The following CDH12 variants were observed in gnomAD, a reference collection of about 807,000 sequenced individuals.
The protein encoded by CDH12 is cadherin-12.
In CDH12, 41 loss-of-function variants were observed where a neutral mutation model predicts 74.1. That is an observed-to-expected ratio of 0.55 (90% confidence interval 0.43 to 0.72). CDH12 has a LOEUF of 0.72. Among genes scored for constraint, CDH12 ranks in the 30% least tolerant of loss-of-function variants. The probability of loss-of-function intolerance (pLI) is 0.00; values close to 1 mark genes in which losing one functional copy is unlikely to be tolerated. For synonymous variants in CDH12, 399 were observed against 355.0 expected (o/e 1.12, Z -1.39); for missense variants, 945 against 977.2 (o/e 0.97, Z 0.44).
At chr5:22,760,678 C>CAAAAAAAAAAAAAAA (rs11284255) in intron 1 of CDH12, among the ~76,000 whole-genome samples, 1 of 63,434 alleles carries the variant, frequency 1.6e-5, no homozygotes, top group Non-Finnish European at 2.8e-5. Flanking sequence ...GACTCCGTCT[C>CAAAAAAAAAAAAAAA]AAAAAAAAAA....
At chr5:22,350,327 C>A (rs1740307148) in intron 3 of CDH12, among the ~76,000 whole-genome samples, 2 of 152,048 alleles carry the variant, frequency 1.3e-5, no homozygotes, top group African/African-American at 2.4e-5. Context: ...TCAGTTTAAA[C>A]TCATTGTATT....
At chr5:21,872,719 C>T (rs970924270) in intron 6 of CDH12, among the ~76,000 whole-genome samples, 1 of 152,110 alleles carries the variant, frequency 6.6e-6, no homozygotes, top group African/African-American at 2.4e-5. Flanking sequence ...GTTTAATGTA[C>T]ACCCTACATA....
intron 1 of CDH12, among the ~76,000 whole-genome samples, chr5:22,772,634 T>C (rs1233674052): frequency 1.3e-5 from 2 of 152,118 alleles, no homozygotes; most frequent in African/African-American, 4.8e-5. Context: ...ATATTTCTGT[T>C]ATAAGCTAAA....
chr5:22,149,802 C>CTGG (rs1259602165), intron 4 of CDH12, among the ~76,000 whole-genome samples: 5 of 152,088 alleles, frequency 3.3e-5, no homozygotes, highest in Admixed American at 3.3e-4. Context: ...CAAGACCAGC[C>CTGG]TGGCCAAGAT....
chr5:22,612,982 A>G (rs1737487403), intron 1 of CDH12, among the ~76,000 whole-genome samples: 1 of 152,132 alleles, frequency 6.6e-6, no homozygotes, highest in African/African-American at 2.4e-5. Context: ...GTAGCAGAGC[A>G]CAAATGTTTC....
Position 22,404,832 on chromosome 5 carries a change from A to G in CDH12, c.-333+425T>C. Among the ~76,000 whole-genome samples, 2 of 152,232 alleles carry G rather than the reference A, an allele frequency of 1.3e-5. 1 individual carries two copies. The highest frequency in any genetic ancestry group is 2.9e-5 in the Non-Finnish European group (2 of 68,046). Reference sequence around the variant, plus strand: ...GTTGTAACAATTTTAAGACATTACAAATTAACATATGTGACCATGAGAATT... The same window carrying G: ...GTTGTAACAATTTTAAGACATTACAGATTAACATATGTGACCATGAGAATT... On this transcript the variant is annotated intron_variant, in intron 3 of 14. Transcript: ENST00000382254.
rs549931984 is a variant in CDH12 at position 22,606,740 on chromosome 5, TG to T, written c.-522-101377del. The stretch of plus-strand genomic sequence containing the variant: ...ATACATTAAATTGGTACCAGGAGAG[TG>T]GGGCACTGCTATAAAGATACCCAAA... On this transcript the variant is annotated intron_variant, in intron 1 of 14. Transcript: ENST00000382254. Among the ~76,000 whole-genome samples, 192 of 151,886 alleles carry T rather than the reference TG, an allele frequency of 1.3e-3. 1 individual carries two copies. The highest frequency in any genetic ancestry group is 4.5e-3 in the African/African-American group (186 of 41,386).
chr5:22,372,762 A>C (rs1741351421), intron 3 of CDH12, among the ~76,000 whole-genome samples: 1 of 152,062 alleles, frequency 6.6e-6, no homozygotes, highest in Non-Finnish European at 1.5e-5. Flanking sequence ...TGGTGGGCCC[A>C]CGGCTGGCAC....
chr5:22,203,041 G>A (rs1052810114), intron 4 of CDH12, among the ~76,000 whole-genome samples: 8 of 152,084 alleles, frequency 5.3e-5, no homozygotes, highest in Admixed American at 5.2e-4. Flanking sequence ...TATACGATGT[G>A]TAATAATCAA....
chr5:22,397,457 T>C (rs1742504605), intron 3 of CDH12, among the ~76,000 whole-genome samples: 1 of 114,796 alleles, frequency 8.7e-6, no homozygotes, highest in Non-Finnish European at 1.7e-5. Context: ...TGATTCCAGG[T>C]TTTTTTTTTT....
intron 8 of CDH12, 38 bp downstream of exon 8, chr5:21,842,123 A>G (rs368758547): frequency 4.0e-6 from 6 of 1,518,846 alleles, no homozygotes; most frequent in Non-Finnish European, 5.3e-6. Context: ...ATTTTTTTAA[A>G]CCGCAATAAT....
chr5:22,425,508 C>T (rs1442678475), intron 2 of CDH12, among the ~76,000 whole-genome samples: 1 of 151,938 alleles, frequency 6.6e-6, no homozygotes, highest in Middle Eastern at 3.4e-3. Context: ...TGTATTCAAA[C>T]ATAAATTACA....
intron 3 of CDH12, among the ~76,000 whole-genome samples, chr5:22,299,161 G>A (rs925359914): frequency 1.3e-5 from 2 of 152,154 alleles, no homozygotes; most frequent in African/African-American, 4.8e-5. Flanking sequence ...AAGAGGAAGT[G>A]CAAACCTCAG....
At chr5:22,634,000 C>T (rs1282631203) in intron 1 of CDH12, among the ~76,000 whole-genome samples, 1 of 151,900 alleles carries the variant, frequency 6.6e-6, no homozygotes, top group East Asian at 1.9e-4. Context: ...TGCTATAAAG[C>T]TTTTGTATAG....
chr5:21,991,679 C>T (rs2150136036), intron 5 of CDH12, among the ~76,000 whole-genome samples: 1 of 151,302 alleles, frequency 6.6e-6, no homozygotes, highest in Admixed American at 6.6e-5. Flanking sequence ...TTGTAGCATC[C>T]ATTACTGTGG....
chr5:22,013,341 C>A (rs1325585735), intron 5 of CDH12, among the ~76,000 whole-genome samples: 1 of 152,148 alleles, frequency 6.6e-6, no homozygotes, highest in African/African-American at 2.4e-5. Context: ...AGGGGCAAAC[C>A]ACCCACATGA....
At chr5:22,617,420 A>G (rs997700452) in intron 1 of CDH12, among the ~76,000 whole-genome samples, 3 of 152,122 alleles carry the variant, frequency 2.0e-5, no homozygotes, top group Non-Finnish European at 2.9e-5. Flanking sequence ...AGGGAGGGTA[A>G]TAAAGCAGAG....
chr5:22,337,155 T>C (rs1739621990), intron 3 of CDH12, among the ~76,000 whole-genome samples: 1 of 152,180 alleles, frequency 6.6e-6, no homozygotes, highest in African/African-American at 2.4e-5. Flanking sequence ...TTTCTTCCAT[T>C]TGGAATGGCT....
intron 5 of CDH12, among the ~76,000 whole-genome samples, chr5:22,018,214 G>T (rs1454204568): frequency 5.3e-5 from 8 of 152,144 alleles, no homozygotes; most frequent in Non-Finnish European, 7.3e-5. Context: ...GTTTTGAAAA[G>T]CCAGTTTGTC....
Sources: gnomAD v4.1 joint callset for allele counts (sites outside exome capture counted in the v4.1 genomes callset) on GRCh38, gnomAD v4.1.1 for gene constraint, MANE v1.5 for transcripts, NCBI Gene and HGNC (gene_info 2026-07-23, HGNC 2026-07-21) for gene names.